The following DIS3 variants were observed in gnomAD, a reference collection of about 807,000 sequenced individuals.
DIS3 encodes the protein exosome complex exonuclease RRP44.
A neutral mutation model predicts 113.0 loss-of-function variants in DIS3; 103 were observed. The ratio of observed to expected loss-of-function variants is 0.91; its 90% CI spans 0.78 to 1.07. The LOEUF is 1.07. Among genes scored for constraint, DIS3 ranks in the 50% least tolerant of loss-of-function variants. The probability of loss-of-function intolerance (pLI) is 0.00; values close to 1 mark genes in which losing one functional copy is unlikely to be tolerated. For missense variants in DIS3, 1,121 were observed against 1,167.1 expected (o/e 0.96, Z 0.58); for synonymous variants, 402 against 394.3 (o/e 1.02, Z -0.23).
At chr13:72,778,130 G>T in intron 3 of DIS3, 57 bp downstream of exon 3, 1 of 1,422,486 alleles carries the variant, frequency 7.0e-7, no homozygotes, top group South Asian at 1.5e-5. Context: ...TAGGCCTAAT[G>T]ATTATTTTTA....
chr13:72,763,596 G>T lies in DIS3; in HGVS notation c.1982C>A (p.Ser661Tyr). The T allele has an allele frequency of 6.2e-7, 1 of 1,609,710 alleles. No individual in the cohort carries two copies. Among genetic ancestry groups the T allele is most frequent in the Non-Finnish European group, 8.5e-7 (1 of 1,178,462 alleles). ...AAGTAACATAAATTCTTCAACCATG[G>T]AATTTGTTTCCCTGCCAATGGAAAA... ...LQTKELRETN[S>Y]MVEEFMLLAN... The change falls in exon 16 of 21, where the codon TCC becomes TAC. Residue 661 changes from serine to tyrosine, a missense_variant. Physicochemically the swap from Ser to Tyr is moderately radical, Grantham distance 144. Transcript: ENST00000377767.
chr13:72,765,993 T>C lies in DIS3; in HGVS notation c.1949A>G (p.Asp650Gly). 6.2e-7 allele frequency: 1 copy of C among 1,610,738 alleles called. No individual in the cohort carries two copies. Residue 650 changes from aspartate (D) to glycine (G), a missense_variant, in exon 15 of 21, where the codon GAT becomes GGT. By Grantham distance (94) the Asp-to-Gly change is moderately conservative. This residue lies in a region of DIS3 where 861 missense variants were observed against 915.5 expected (regional missense o/e 0.94). Coordinates refer to ENST00000377767, the MANE Select transcript of DIS3 (RefSeq NM_014953.5). ...HMDSETHDPIDLQTKELRETN... is the reference protein window; with the variant it reads ...HMDSETHDPIGLQTKELRETN... ...AAACCTAAGTTCCTTGGTCTGCAGA[T>C]CTATAGGATCGTGAGTTTCACTGTC...
Position 72,754,827 on chromosome 13 carries a change from C to A in DIS3, c.*4968G>T, listed in dbSNP as rs1010476389. ...ACCTCCCAGACTCAAGCAGTCTTAC[C>A]ACCTCAGCCTCCTGAGTAGCTAGGG... is the stretch of plus-strand genomic sequence containing the variant. On this transcript the variant is annotated 3_prime_UTR_variant, in exon 21 of 21. Transcript: ENST00000377767. 4.2e-5 allele frequency: 9 copies of A among 213,784 alleles called. No individual in the cohort carries two copies. Among genetic ancestry groups the A allele is most frequent in the Non-Finnish European group, 7.4e-5 (8 of 107,522 alleles). The allele number at this position is 213,784 out of a possible 1,614,324, so 13.2% of individuals were successfully genotyped here. A position where few individuals can be genotyped will look rare whatever the true frequency, so the allele number is the denominator to read the frequency against.
At chr13:72,764,754 T>G (rs2033707104) in intron 15 of DIS3, among the ~76,000 whole-genome samples, 1 of 152,162 alleles carries the variant, frequency 6.6e-6, no homozygotes, top group Non-Finnish European at 1.5e-5. Context: ...TAAAGTATAT[T>G]CATTTTAAAA....
chr13:72,755,018 T>C lies in DIS3; in HGVS notation c.*4777A>G. Reference sequence around the variant, plus strand: ...TGATGCAGAATATTGATTTATAAAATACTGTATCTTTACTGTCCCTTCAGA... The same window carrying C: ...TGATGCAGAATATTGATTTATAAAACACTGTATCTTTACTGTCCCTTCAGA... On this transcript the variant is annotated 3_prime_UTR_variant, in exon 21 of 21. Transcript: ENST00000377767. 4.5e-6 allele frequency: 3 copies of C among 661,806 alleles called. No homozygotes were observed. The highest frequency in any genetic ancestry group is 5.2e-6 in the Non-Finnish European group (2 of 385,382). 41.0% of individuals were successfully genotyped at this position (661,806 alleles called of 1,614,324 possible). A position where few individuals can be genotyped will look rare whatever the true frequency, so the allele number is the denominator to read the frequency against.
intron 9 of DIS3, 109 bp downstream of exon 9, chr13:72,772,584 G>A (rs1371317118): frequency 2.5e-6 from 3 of 1,203,640 alleles, no homozygotes; most frequent in Middle Eastern, 2.6e-4. Context: ...CAAAATGCAG[G>A]AAAAGAGGGC....
rs2033614913 is a variant in DIS3, at chr13:72,761,218, AT to A, written c.2670+144del. On this transcript the variant is annotated intron_variant, in intron 19 of 20. Transcript: ENST00000377767. ...ACCATAGTTTAGTTGGCAAAATTAA[AT>A]GTAGATTTTCTGGCATGTATTTGGA... 3 of 1,063,540 alleles carry A rather than the reference AT, an allele frequency of 2.8e-6. No homozygotes were observed. In the South Asian group the frequency reaches 5.7e-5, roughly 20 times the overall value. The allele number at this position is 1,063,540 out of a possible 1,614,324, so 65.9% of individuals were successfully genotyped here.
chr13:72,765,926 TA>T, intron 15 of DIS3, 45 bp downstream of exon 15: 2 of 1,392,452 alleles, frequency 1.4e-6, no homozygotes, highest in East Asian at 2.4e-5. Flanking sequence ...ACATGACAAT[TA>T]AAATAAAAAA....
At chr13:72,778,751 T>C (rs1043734195) in intron 2 of DIS3, among the ~76,000 whole-genome samples, 19 of 152,204 alleles carry the variant, frequency 1.2e-4, no homozygotes, top group African/African-American at 4.1e-4. Flanking sequence ...TCATTCAAAC[T>C]GTAGGTTAAT....
Position 72,776,110 on chromosome 13 carries a change from C to T in DIS3, c.655-18G>A. 6.3e-7 allele frequency: 1 copy of T among 1,575,880 alleles called. No individual in the cohort carries two copies. The highest frequency in any genetic ancestry group is 1.2e-5 in the South Asian group (1 of 83,870). On this transcript the variant is annotated intron_variant, in intron 4 of 20. Coordinates refer to ENST00000377767, the MANE Select transcript of DIS3 (RefSeq NM_014953.5). ...ATTTCATTCTATGAAAGAAGCAAAC[C>T]AAAAGATGCCGCTAATAAGTCTTCT... is the stretch of plus-strand genomic sequence containing the variant.
chr13:72,770,308 T>C (rs570726809), intron 13 of DIS3, among the ~76,000 whole-genome samples: 10 of 152,244 alleles, frequency 6.6e-5, no homozygotes, highest in African/African-American at 2.4e-4. Context: ...AAAATTTTGC[T>C]ATAACAGTGC....
chr13:72,767,510 CCTTT>C (rs1201766904), intron 14 of DIS3, among the ~76,000 whole-genome samples: 1 of 152,030 alleles, frequency 6.6e-6, no homozygotes, highest in African/African-American at 2.4e-5. Context: ...CCCAAATGAT[CCTTT>C]CTGTTTCAAG....
chr13:72,757,084 T>G lies in DIS3; in HGVS notation c.*2711A>C, dbSNP rs2033496537. On this transcript the variant is annotated 3_prime_UTR_variant, in exon 21 of 21. Coordinates refer to ENST00000377767, the MANE Select transcript of DIS3 (RefSeq NM_014953.5). ...ACTTAGGGGAAAATAGCAAAGTCTC[T>G]GATCATCTTGAACTACTCAATTGGG... is the stretch of plus-strand genomic sequence containing the variant. 1.3e-5 allele frequency: 2 copies of G among 152,190 alleles called. No individual in the cohort carries two copies. The highest frequency in any genetic ancestry group is 4.1e-4 in the South Asian group (2 of 4,824). 9.4% of individuals were successfully genotyped at this position (152,190 alleles called of 1,614,324 possible). A position where few individuals can be genotyped will look rare whatever the true frequency, so the allele number is the denominator to read the frequency against.
chr13:72,755,160 AC>A lies in DIS3; in HGVS notation c.*4634del. 6.2e-7 allele frequency: 1 copy of A among 1,613,802 alleles called. No individual in the cohort carries two copies. Among genetic ancestry groups the A allele is most frequent in the South Asian group, 1.1e-5 (1 of 91,080 alleles). The stretch of plus-strand genomic sequence containing the variant: ...GTCTTCTTTTTCACAGCAAGACCAC[AC>A]AACACAGAGGTGTTGGATGAAAACA... On this transcript the variant is annotated 3_prime_UTR_variant, in exon 21 of 21. Transcript: ENST00000377767.
chr13:72,777,680 T>C (rs1430658193), intron 3 of DIS3, among the ~76,000 whole-genome samples, 187 bp from the exon 4 acceptor site: 1 of 151,872 alleles, frequency 6.6e-6, no homozygotes, highest in Non-Finnish European at 1.5e-5. Context: ...CTAGAATCCC[T>C]GGGCTCAAGC....
chr13:72,775,901 TAAGG>T lies in DIS3; in HGVS notation c.822+20_822+23del. The T allele has an allele frequency of 6.4e-7, 1 of 1,558,912 alleles. No homozygotes were observed. On this transcript the variant is annotated intron_variant, in intron 5 of 20. Transcript: ENST00000377767. The stretch of plus-strand genomic sequence containing the variant: ...AAAATATCATCTTTATTTTAGTGTA[TAAGG>T]AATTTATTTATATACTTGCCTCTTT...
rs534807473 is a variant in DIS3, at chr13:72,776,186, C to T, written c.655-94G>A. 218 of 1,231,302 alleles carry T rather than the reference C, an allele frequency of 1.8e-4. 1 individual carries two copies. The African/African-American group carries it at 3.1e-3, about 18-fold the overall frequency. 76.3% of individuals were successfully genotyped at this position (1,231,302 alleles called of 1,614,324 possible). A position where few individuals can be genotyped will look rare whatever the true frequency, so the allele number is the denominator to read the frequency against. On this transcript the variant is annotated intron_variant, in intron 4 of 20. Transcript: ENST00000377767. ...AATATCAGAGAATTTTTGAAATCTA[C>T]ATTATGATATACACAACTCTGAATA...
At chr13:72,762,777 A>G (rs1349517422) in intron 16 of DIS3, among the ~76,000 whole-genome samples, 1 of 152,166 alleles carries the variant, frequency 6.6e-6, no homozygotes, top group Non-Finnish European at 1.5e-5. Flanking sequence ...CAATAAATAT[A>G]CTTTTCTTAC....
rs1466122391 is a variant in DIS3 at position 72,781,886 on chromosome 13, G to A, written c.-54C>T. 4.1e-6 allele frequency: 6 copies of A among 1,457,460 alleles called. No homozygotes were observed. Among genetic ancestry groups the A allele is most frequent in the Non-Finnish European group, 5.5e-6 (6 of 1,089,858 alleles). 90.3% of individuals were successfully genotyped at this position (1,457,460 alleles called of 1,614,324 possible). Reference sequence around the variant, plus strand: ...CAGCAGCGCTCTTCCAGCAAAAGGCGTCAATCTAGAATACGCCTAACCCCG... The same window carrying A: ...CAGCAGCGCTCTTCCAGCAAAAGGCATCAATCTAGAATACGCCTAACCCCG... On this transcript the variant is annotated 5_prime_UTR_variant, in exon 1 of 21. It adds an upstream start codon to the 5' untranslated region. Transcript: ENST00000377767.
Sources: allele counts gnomAD v4.1 joint callset (sites outside exome capture counted in the v4.1 genomes callset), GRCh38; gene constraint gnomAD v4.1.1; regional missense constraint gnomAD v4.1.1; transcripts MANE v1.5; gene names NCBI Gene and HGNC (gene_info 2026-07-23, HGNC 2026-07-21).